The following MISFA variants were observed in gnomAD, a reference collection of about 807,000 sequenced individuals.
MISFA encodes mitochondrial sheath formation-associated protein.
chr11:18,603,917 CTTTTTTTTTT>C, the MISFA span: 14 of 53,018 alleles, frequency 2.6e-4, no homozygotes, highest in Admixed American at 1.5e-3. Context: ...AGTTACCGCA[CTTTTTTTTTT>C]TTTTTTTTTT....
At chr11:18,600,998 C>A in the MISFA span, 9 of 397,750 alleles carry the variant, frequency 2.3e-5, no homozygotes, top group Non-Finnish European at 4.0e-5. Context: ...TTGGTGGGAC[C>A]TTTTAGCAGC....
At chr11:18,608,006 A>G in the MISFA span, 2 of 152,660 alleles carry the variant, frequency 1.3e-5, no homozygotes, top group Non-Finnish European at 2.9e-5. Flanking sequence ...TATATATCCA[A>G]TAAAAAATTT....
the MISFA span, chr11:18,607,017 C>T: frequency 3.9e-6 from 1 of 257,330 alleles, no homozygotes; most frequent in East Asian, 1.7e-4. Context: ...TGTGCCACCG[C>T]ACCCGGCTAA....
chr11:18,608,218 C>T, the MISFA span: 2 of 152,528 alleles, frequency 1.3e-5, no homozygotes, highest in South Asian at 2.1e-4. Flanking sequence ...ATGATGACAC[C>T]TTTCATGGGA....
chr11:18,609,078 G>A, the MISFA span: 7 of 151,922 alleles, frequency 4.6e-5, no homozygotes, highest in South Asian at 8.3e-4. Flanking sequence ...TTTTTTCTTC[G>A]ATATAAAAAT....
At chr11:18,608,957 G>A in the MISFA span, 3 of 149,802 alleles carry the variant, frequency 2.0e-5, no homozygotes, top group African/African-American at 7.3e-5. Flanking sequence ...AGGGCACCTT[G>A]GGATTTCAAA....
the MISFA span, among the ~76,000 whole-genome samples, chr11:18,605,760 G>A: frequency 0.083 from 12,630 of 151,976 alleles, 1,396 homozygotes; most frequent in African/African-American, 0.26. Flanking sequence ...GTGCAATCTC[G>A]GCTCACTGCA....
chr11:18,605,534 T>TA, the MISFA span, among the ~76,000 whole-genome samples: 23 of 152,276 alleles, frequency 1.5e-4, no homozygotes, highest in African/African-American at 5.1e-4. Flanking sequence ...TACCTTTTTT[T>TA]AATGGAAAGA....
chr11:18,602,679 C>G, the MISFA span: 3 of 155,454 alleles, frequency 1.9e-5, no homozygotes. Flanking sequence ...AGCTAATTCT[C>G]TTAATGAATC....
chr11:18,601,644 A>G, the MISFA span: 1 of 395,702 alleles, frequency 2.5e-6, no homozygotes, highest in East Asian at 3.6e-5. Context: ...TCCAGGCCTC[A>G]AGTGGTCCCC....
At chr11:18,602,186 T>C in the MISFA span, 1 of 151,958 alleles carries the variant, frequency 6.6e-6, no homozygotes, top group Non-Finnish European at 1.5e-5. Flanking sequence ...CCTGGGTTTC[T>C]TAACGTTTCA....
chr11:18,601,311 G>A, the MISFA span: 1 of 397,924 alleles, frequency 2.5e-6, no homozygotes, highest in East Asian at 3.6e-5. Context: ...GAAATGATTT[G>A]GTGAGTACTG....
chr11:18,603,434 G>T, the MISFA span, among the ~76,000 whole-genome samples: 1 of 152,184 alleles, frequency 6.6e-6, no homozygotes, highest in Non-Finnish European at 1.5e-5. Flanking sequence ...TGGACATTTT[G>T]TATGCCCAGT....
At chr11:18,603,187 C>G in the MISFA span, 5,130 of 399,046 alleles carry the variant, frequency 0.013, 90 homozygotes, top group East Asian at 0.076. Context: ...TAAATATCCC[C>G]CAGGAGGGGT....
chr11:18,609,138 A>G, the MISFA span: 2 of 152,254 alleles, frequency 1.3e-5, no homozygotes, highest in Non-Finnish European at 2.9e-5. Flanking sequence ...GTCTTACACT[A>G]AAGCCAACAT....
the MISFA span, among the ~76,000 whole-genome samples, chr11:18,604,573 G>A: frequency 6.6e-6 from 1 of 151,518 alleles, no homozygotes; most frequent in African/African-American, 2.4e-5. Context: ...TGGTTGCAGT[G>A]AGCTGAGATC....
the MISFA span, among the ~76,000 whole-genome samples, chr11:18,606,072 C>A: frequency 6.6e-6 from 1 of 152,188 alleles, no homozygotes; most frequent in Non-Finnish European, 1.5e-5. Context: ...ACAAGAGGAA[C>A]CATATACCCA....
chr11:18,603,916 A>AATT, the MISFA span: 11 of 141,858 alleles, frequency 7.8e-5, no homozygotes, highest in Non-Finnish European at 1.1e-4. Flanking sequence ...AAGTTACCGC[A>AATT]CTTTTTTTTT....
the MISFA span, chr11:18,609,566 G>T: frequency 6.3e-6 from 2 of 318,594 alleles, no homozygotes; most frequent in Non-Finnish European, 5.7e-6. Context: ...TTGGCTGACT[G>T]GTGAGTGGCC....
Sources: allele counts gnomAD v4.1 joint callset (sites outside exome capture counted in the v4.1 genomes callset), GRCh38; gene constraint gnomAD v4.1.1; transcripts MANE v1.5; gene names NCBI Gene and HGNC (gene_info 2026-07-23, HGNC 2026-07-21).